Variants in CACNA1D observed in about 807,000 individuals in gnomAD.
CACNA1D encodes the protein voltage-dependent L-type calcium channel subunit alpha-1D.
A neutral mutation model predicts 257.1 loss-of-function variants in CACNA1D; 55 were observed. That is an observed-to-expected ratio of 0.21 (90% CI 0.17 to 0.27). The LOEUF is 0.27. Ranked by LOEUF, CACNA1D falls within the 10% of genes least tolerant of loss-of-function variation. The pLI, the probability that CACNA1D is intolerant of heterozygous loss-of-function variation, is 1.00. For synonymous variants in CACNA1D, 980 were observed against 1,014.9 expected (o/e 0.97, Z 0.65); for missense variants, 1,876 against 2,784.0 (o/e 0.67, Z 7.34).
intron 8 of CACNA1D, among the ~76,000 whole-genome samples, chr3:53,687,024 T>A (rs79517530): frequency 2.0e-5 from 3 of 151,808 alleles, no homozygotes; most frequent in African/African-American, 7.3e-5. Flanking sequence ...TTTTAAAAAA[T>A]TACCATCAAA....
At chr3:53,667,831 G>A (rs2094283307) in intron 7 of CACNA1D, among the ~76,000 whole-genome samples, 1 of 146,446 alleles carries the variant, frequency 6.8e-6, no homozygotes, top group African/African-American at 2.6e-5. Flanking sequence ...GTGTGTGTGT[G>A]TGTGTATGCA....
chr3:53,622,959 C>T (rs907818837), intron 3 of CACNA1D, among the ~76,000 whole-genome samples: 2 of 151,924 alleles, frequency 1.3e-5, no homozygotes, highest in South Asian at 2.1e-4. Flanking sequence ...GCTCGATCTC[C>T]GCTCACTGCA....
chr3:53,765,237 G>T (rs1417229168), intron 30 of CACNA1D, among the ~76,000 whole-genome samples: 1 of 152,170 alleles, frequency 6.6e-6, no homozygotes, highest in Non-Finnish European at 1.5e-5. Flanking sequence ...TTCCCCTGGG[G>T]AGCAGTGCAC....
At chr3:53,728,297 C>T (rs1055446418) in intron 15 of CACNA1D, among the ~76,000 whole-genome samples, 8 of 152,136 alleles carry the variant, frequency 5.3e-5, no homozygotes, top group Middle Eastern at 3.2e-3. Flanking sequence ...CACCACCATG[C>T]CCAGCTAATT....
intron 3 of CACNA1D, among the ~76,000 whole-genome samples, chr3:53,624,332 TAAG>T (rs1314142717): frequency 6.6e-6 from 1 of 152,242 alleles, no homozygotes; most frequent in Non-Finnish European, 1.5e-5. Flanking sequence ...TATGTAGTAA[TAAG>T]CACAGGAAAG....
chr3:53,565,443 AT>A (rs780843251), intron 3 of CACNA1D, among the ~76,000 whole-genome samples: 3 of 152,188 alleles, frequency 2.0e-5, no homozygotes, highest in Non-Finnish European at 4.4e-5. Context: ...ATATAATTTC[AT>A]TTGAGTGGCT....
At chr3:53,677,027 C>A (rs2094383432) in intron 8 of CACNA1D, among the ~76,000 whole-genome samples, 1 of 152,224 alleles carries the variant, frequency 6.6e-6, no homozygotes, top group African/African-American at 2.4e-5. Flanking sequence ...AGACATATTA[C>A]ACGTGGTCTT....
At chr3:53,663,325 G>A (rs1015610131) in intron 5 of CACNA1D, among the ~76,000 whole-genome samples, 3 of 152,124 alleles carry the variant, frequency 2.0e-5, no homozygotes, top group African/African-American at 7.2e-5. Flanking sequence ...AGCAGAAGAT[G>A]GAAAGTTTGA....
At chr3:53,654,141 T>C (rs1220888150) in intron 4 of CACNA1D, among the ~76,000 whole-genome samples, 1 of 152,056 alleles carries the variant, frequency 6.6e-6, no homozygotes, top group African/African-American at 2.4e-5. Context: ...TGTACCTCAA[T>C]CAGTGTTAAA....
chr3:53,702,784 A>G lies in CACNA1D; in HGVS notation c.1364A>G (p.Glu455Gly), dbSNP rs1265710090. ...GACATCGATCCGGAGAATGAGGAAG[A>G]AGGAGGAGAGGAAGGCAAACGAAAT... ...AEDIDPENEE[E>G]GGEEGKRNTS... is the part of the protein sequence containing the mutation. Residue 455 changes from glutamate (E) to glycine (G), a missense_variant, in exon 9 of 48, where the codon GAA (glutamate) becomes GGA (glycine). This residue lies in a region of CACNA1D where 257 missense variants were observed against 399.7 expected (regional missense o/e 0.64). Transcript: ENST00000350061. 1.2e-6 allele frequency: 2 copies of G among 1,614,110 alleles called. No homozygotes were observed. The highest frequency in any genetic ancestry group is 2.7e-5 in the African/African-American group (2 of 74,946).
chr3:53,733,309 G>A (rs917786771), intron 19 of CACNA1D, among the ~76,000 whole-genome samples: 1 of 152,210 alleles, frequency 6.6e-6, no homozygotes, highest in South Asian at 2.1e-4. Context: ...CTGCTCTGGT[G>A]TTCCATGCTT....
chr3:53,754,062 CCT>C (rs1451384868), intron 29 of CACNA1D, among the ~76,000 whole-genome samples: 1 of 152,164 alleles, frequency 6.6e-6, no homozygotes, highest in Non-Finnish European at 1.5e-5. Context: ...AGAATTTGAC[CCT>C]GATTATACTT....
At chr3:53,622,105 T>C (rs1287279809) in intron 3 of CACNA1D, among the ~76,000 whole-genome samples, 2 of 151,980 alleles carry the variant, frequency 1.3e-5, no homozygotes, top group Non-Finnish European at 2.9e-5. Flanking sequence ...TGGAGTGCAG[T>C]GACACGATAA....
At chr3:53,778,949 G>A (rs1293172912) in intron 37 of CACNA1D, among the ~76,000 whole-genome samples, 2 of 152,204 alleles carry the variant, frequency 1.3e-5, no homozygotes, top group African/African-American at 4.8e-5. Context: ...CTAAGTCCCA[G>A]GCCCTGTGCC....
At chr3:53,784,352 CCTT>C (rs1484352720) in intron 39 of CACNA1D, among the ~76,000 whole-genome samples, 1 of 152,224 alleles carries the variant, frequency 6.6e-6, no homozygotes, top group African/African-American at 2.4e-5. Context: ...GCCTCCATTG[CCTT>C]CTTTTCAGTC....
At chr3:53,733,689 A>G (rs2095022758) in intron 19 of CACNA1D, among the ~76,000 whole-genome samples, 1 of 152,100 alleles carries the variant, frequency 6.6e-6, no homozygotes. Flanking sequence ...GGGGAAATAA[A>G]TGGCTCCTGG....
At position 53,665,819 on chromosome 3, in the gene CACNA1D, A is replaced by G. The variant is rs998714195; in HGVS notation, c.919+7A>G. 1 of 1,611,042 alleles carries G rather than the reference A, an allele frequency of 6.2e-7. No homozygotes were observed. Among genetic ancestry groups the G allele is most frequent in the East Asian group, 2.2e-5 (1 of 44,784 alleles). ...TGTTTTTTTGCTGACTCAGGTGAGT[A>G]ATGAGAATTGTAGCTAACTTAACTT... On this transcript the variant is annotated splice_region_variant and intron_variant, in intron 6 of 47. Coordinates refer to ENST00000350061, the MANE Select transcript of CACNA1D (RefSeq NM_001128840.3).
At chr3:53,807,099 C>T (rs182347729) in intron 45 of CACNA1D, among the ~76,000 whole-genome samples, 1 of 152,230 alleles carries the variant, frequency 6.6e-6, no homozygotes, top group Non-Finnish European at 1.5e-5. Flanking sequence ...TTCTCAGCTG[C>T]AGGGGGATTC....
chr3:53,778,966 A>C (rs1294031193), intron 37 of CACNA1D, among the ~76,000 whole-genome samples: 1 of 152,156 alleles, frequency 6.6e-6, no homozygotes, highest in African/African-American at 2.4e-5. Flanking sequence ...TGCCTGGCCC[A>C]TTGTCTTTTA....
Sources: gnomAD v4.1 joint callset for allele counts (sites outside exome capture counted in the v4.1 genomes callset) on GRCh38, gnomAD v4.1.1 for gene constraint, gnomAD v4.1.1 regional missense constraint, MANE v1.5 for transcripts, NCBI Gene and HGNC (gene_info 2026-07-23, HGNC 2026-07-21) for gene names.